The following PTPRD variants were observed in gnomAD, a reference collection of about 807,000 sequenced individuals.
PTPRD encodes receptor-type tyrosine-protein phosphatase delta.
PTPRD carries 34 observed loss-of-function variants against 214.5 expected under a neutral mutation model. That is an observed-to-expected ratio of 0.16 (90% CI 0.12 to 0.21). PTPRD has a LOEUF of 0.21. PTPRD is among the 10% of genes least tolerant of loss of function. The pLI is 1.00. For synonymous variants in PTPRD, 1,128 were observed against 845.7 expected (o/e 1.33, Z -5.79); for missense variants, 2,545 against 2,398.7 (o/e 1.06, Z -1.27).
intron 3 of PTPRD, among the ~76,000 whole-genome samples, chr9:10,263,469 G>T (rs939148740): frequency 9.9e-5 from 15 of 152,180 alleles, no homozygotes; most frequent in African/African-American, 3.6e-4. Context: ...CTCAGATGGA[G>T]ATGAGGAACT....
At chr9:10,428,263 G>A (rs2098643281) in intron 2 of PTPRD, among the ~76,000 whole-genome samples, 1 of 152,048 alleles carries the variant, frequency 6.6e-6, no homozygotes, top group South Asian at 2.1e-4. Flanking sequence ...ATGTTGCAGC[G>A]AGCTGAGATC....
intron 2 of PTPRD, among the ~76,000 whole-genome samples, chr9:10,536,817 G>C (rs561374470): frequency 1.6e-3 from 244 of 152,272 alleles, no homozygotes; most frequent in African/African-American, 5.6e-3. Context: ...CCTGAGGTTT[G>C]AATGTAACCA....
At chr9:10,401,803 C>T (rs1320060052) in intron 2 of PTPRD, among the ~76,000 whole-genome samples, 1 of 150,728 alleles carries the variant, frequency 6.6e-6, no homozygotes, top group Non-Finnish European at 1.5e-5. Flanking sequence ...ATGTGTCCTA[C>T]CCCCATAACA....
At chr9:8,594,890 T>C (rs1463862572) in intron 14 of PTPRD, among the ~76,000 whole-genome samples, 1 of 138,262 alleles carries the variant, frequency 7.2e-6, no homozygotes, top group Non-Finnish European at 1.5e-5. Context: ...TGGGACAGAG[T>C]CTCACTCTGT....
At chr9:9,870,510 T>C (rs552003874) in intron 5 of PTPRD, among the ~76,000 whole-genome samples, 2 of 152,106 alleles carry the variant, frequency 1.3e-5, no homozygotes, top group East Asian at 3.9e-4. Flanking sequence ...GCAACCTTTT[T>C]TGATTATAAT....
chr9:8,370,799 T>C (rs1035962220), intron 39 of PTPRD, among the ~76,000 whole-genome samples: 4 of 152,058 alleles, frequency 2.6e-5, no homozygotes, highest in African/African-American at 9.7e-5. Flanking sequence ...AGAATCTGCC[T>C]GATTTATAGG....
intron 9 of PTPRD, among the ~76,000 whole-genome samples, chr9:9,239,491 T>A (rs532773158): frequency 2.0e-5 from 3 of 152,146 alleles, no homozygotes; most frequent in African/African-American, 7.2e-5. Context: ...ATATTAGTCA[T>A]GAGAGCAAGA....
intron 3 of PTPRD, among the ~76,000 whole-genome samples, chr9:10,125,686 G>C (rs1201894905): frequency 6.6e-6 from 1 of 150,846 alleles, no homozygotes; most frequent in Non-Finnish European, 1.5e-5. Context: ...GTTTCACCAT[G>C]TTGGTCAGGC....
intron 9 of PTPRD, among the ~76,000 whole-genome samples, chr9:9,318,975 C>G (rs371060281): frequency 6.6e-6 from 1 of 152,180 alleles, no homozygotes; most frequent in African/African-American, 2.4e-5. Context: ...TCATTATGAA[C>G]TATAGTTTCC....
intron 9 of PTPRD, among the ~76,000 whole-genome samples, chr9:9,302,917 C>T (rs921887278): frequency 6.6e-6 from 1 of 151,876 alleles, no homozygotes; most frequent in African/African-American, 2.4e-5. Flanking sequence ...GACATTTTTG[C>T]TGAACTTGCT....
rs147784069 is a variant in PTPRD at position 8,357,751 on chromosome 9, G to C, written c.4662-15773C>G. On this transcript the variant is annotated intron_variant, in intron 39 of 45. Transcript: ENST00000381196. ...TATAGGGAGGAAGATATTGGGAATA[G>C]GATGCTTATTACCCTGATAATTCTC... 5.3e-3 allele frequency among the ~76,000 whole-genome samples: 806 copies of C among 152,260 alleles called. 1 individual carries two copies. Among genetic ancestry groups the C allele is most frequent in the Non-Finnish European group, 9.3e-3 (630 of 68,016 alleles).
intron 5 of PTPRD, among the ~76,000 whole-genome samples, chr9:9,826,992 T>G (rs994851837): frequency 3.9e-5 from 6 of 151,908 alleles, no homozygotes; most frequent in African/African-American, 1.2e-4. Flanking sequence ...CACTGCTCAA[T>G]GAAATAAATG....
intron 8 of PTPRD, among the ~76,000 whole-genome samples, chr9:9,539,184 A>C (rs895854377): frequency 2.0e-5 from 3 of 151,860 alleles, no homozygotes; most frequent in African/African-American, 7.2e-5. Flanking sequence ...ATTTTTTGAG[A>C]CCTAAATGAA....
intron 8 of PTPRD, among the ~76,000 whole-genome samples, chr9:9,525,985 A>C (rs2074038484): frequency 6.6e-6 from 1 of 152,180 alleles, no homozygotes; most frequent in African/African-American, 2.4e-5. Context: ...TCACCCTGTG[A>C]GAATAGCATC....
At chr9:9,219,974 A>G (rs1405307838) in intron 9 of PTPRD, among the ~76,000 whole-genome samples, 1 of 152,138 alleles carries the variant, frequency 6.6e-6, no homozygotes, top group Admixed American at 6.6e-5. Flanking sequence ...CGGACTTTTC[A>G]CAGTGATATA....
At chr9:9,857,173 A>G (rs963242861) in intron 5 of PTPRD, among the ~76,000 whole-genome samples, 1 of 152,136 alleles carries the variant, frequency 6.6e-6, no homozygotes, top group Admixed American at 6.6e-5. Context: ...TTATGTCACA[A>G]TTTCAAATGC....
intron 2 of PTPRD, among the ~76,000 whole-genome samples, chr9:10,384,029 G>A (rs1246288358): frequency 6.6e-6 from 1 of 150,746 alleles, no homozygotes; most frequent in Non-Finnish European, 1.5e-5. Flanking sequence ...AGACTGAGAA[G>A]GGTAGTGCAG....
intron 11 of PTPRD, among the ~76,000 whole-genome samples, chr9:8,930,305 G>A (rs1057344216): frequency 2.0e-5 from 3 of 151,934 alleles, no homozygotes; most frequent in Non-Finnish European, 4.4e-5. Flanking sequence ...CCTTTTTAAT[G>A]GCTGCATAGT....
At chr9:9,987,650 C>G (rs913744345) in intron 4 of PTPRD, among the ~76,000 whole-genome samples, 2 of 151,958 alleles carry the variant, frequency 1.3e-5, no homozygotes, top group Non-Finnish European at 2.9e-5. Context: ...TTATACCTAT[C>G]ACTTCTTAAT....
Sources: gnomAD v4.1 joint callset for allele counts (sites outside exome capture counted in the v4.1 genomes callset) on GRCh38, gnomAD v4.1.1 for gene constraint, MANE v1.5 for transcripts, NCBI Gene and HGNC (gene_info 2026-07-23, HGNC 2026-07-21) for gene names.